The following PRKACB variants were observed in gnomAD, a reference collection of about 807,000 sequenced individuals.
PRKACB encodes the protein cAMP-dependent protein kinase catalytic subunit beta.
Under a neutral mutation model 51.4 loss-of-function variants are expected in PRKACB, and 16 were observed. That is an observed-to-expected ratio of 0.31 (90% CI 0.21 to 0.47). PRKACB has a LOEUF of 0.47. Ranked by LOEUF, PRKACB falls within the 20% of genes least tolerant of loss-of-function variation. The pLI is 1.00. For synonymous variants in PRKACB, 147 were observed against 154.4 expected, an observed-to-expected ratio of 0.95 and a Z score of 0.35; for missense variants, 309 against 464.5, an observed-to-expected ratio of 0.67 and a Z score of 3.08.
intron 9 of PRKACB, among the ~76,000 whole-genome samples, chr1:84,218,310 CCA>C (rs138028774): frequency 6.6e-6 from 1 of 151,942 alleles, no homozygotes. Context: ...ATCCCTTCCC[CCA>C]CACACACACA....
chr1:84,205,241 T>C, intron 8 of PRKACB: 1 of 984,818 alleles, frequency 1.0e-6, no homozygotes. Flanking sequence ...CTCTGTATTA[T>C]GTGAAGTTAG....
At chr1:84,085,101 T>C (rs1231834841) in intron 1 of PRKACB, among the ~76,000 whole-genome samples, 1 of 152,208 alleles carries the variant, frequency 6.6e-6, no homozygotes, top group African/African-American at 2.4e-5. Flanking sequence ...ATGAGAACAA[T>C]GTAACTTTTA....
intron 1 of PRKACB, among the ~76,000 whole-genome samples, chr1:84,103,605 C>T (rs369361275): frequency 9.8e-4 from 150 of 152,296 alleles, no homozygotes; most frequent in Non-Finnish European, 1.6e-3. Flanking sequence ...TCCAGCTTCT[C>T]GCAGCTGTTG....
intron 9 of PRKACB, among the ~76,000 whole-genome samples, chr1:84,221,806 G>A (rs1185579777): frequency 6.6e-6 from 1 of 152,030 alleles, no homozygotes; most frequent in Non-Finnish European, 1.5e-5. Flanking sequence ...ATGATTTCAA[G>A]TTTTTAAAAT....
At chr1:84,192,941 C>T (rs1403720391) in intron 5 of PRKACB, among the ~76,000 whole-genome samples, 1 of 152,100 alleles carries the variant, frequency 6.6e-6, no homozygotes, top group African/African-American at 2.4e-5. Flanking sequence ...GCTGAATACA[C>T]AAGGCCAAAT....
chr1:84,098,174 T>C (rs1649068217), intron 1 of PRKACB, among the ~76,000 whole-genome samples: 1 of 152,152 alleles, frequency 6.6e-6, no homozygotes, highest in African/African-American at 2.4e-5. Flanking sequence ...AAATTAAATC[T>C]TTTGCCTATT....
intron 9 of PRKACB, among the ~76,000 whole-genome samples, chr1:84,230,368 A>G (rs1398264980): frequency 6.6e-6 from 1 of 152,182 alleles, no homozygotes; most frequent in African/African-American, 2.4e-5. Context: ...AGGTAGTGAG[A>G]TGCCTCCAGC....
intron 1 of PRKACB, among the ~76,000 whole-genome samples, chr1:84,133,944 C>CA (rs1164990334): frequency 1.3e-5 from 2 of 152,082 alleles, no homozygotes; most frequent in African/African-American, 4.8e-5. Flanking sequence ...GTCCTGCGTA[C>CA]AGGAAAGATT....
chr1:84,219,017 C>T (rs928829426), intron 9 of PRKACB, among the ~76,000 whole-genome samples: 6 of 152,046 alleles, frequency 3.9e-5, no homozygotes, highest in Admixed American at 1.3e-4. Context: ...ATTGGAGTTC[C>T]TTGTATATTC....
At chr1:84,223,421 T>C (rs2101638870) in intron 9 of PRKACB, among the ~76,000 whole-genome samples, 1 of 148,348 alleles carries the variant, frequency 6.7e-6, no homozygotes, top group East Asian at 2.0e-4. Context: ...CAGGCAAGAG[T>C]GCAGTGGCGT....
At chr1:84,174,350 T>C (rs1660538032) in intron 1 of PRKACB, among the ~76,000 whole-genome samples, 1 of 151,878 alleles carries the variant, frequency 6.6e-6, no homozygotes, top group African/African-American at 2.4e-5. Flanking sequence ...TGCTGTATTC[T>C]CTATTATGCC....
At chr1:84,093,263 G>A (rs936087773) in intron 1 of PRKACB, among the ~76,000 whole-genome samples, 5 of 147,046 alleles carry the variant, frequency 3.4e-5, no homozygotes, top group Non-Finnish European at 7.7e-5. Flanking sequence ...GGAATCAAGT[G>A]TGTGCATCTC....
At chr1:84,185,738 T>C (rs554528437) in intron 5 of PRKACB, among the ~76,000 whole-genome samples, 1 of 152,200 alleles carries the variant, frequency 6.6e-6, no homozygotes, top group Admixed American at 6.5e-5. Context: ...TTAAAATAGG[T>C]TATAGAATCT....
intron 8 of PRKACB, among the ~76,000 whole-genome samples, chr1:84,213,566 A>G (rs1488664712): frequency 6.6e-6 from 1 of 152,184 alleles, no homozygotes; most frequent in Non-Finnish European, 1.5e-5. Flanking sequence ...AATGCTTTTA[A>G]ACCAATCTAA....
intron 1 of PRKACB, among the ~76,000 whole-genome samples, chr1:84,085,309 G>A (rs145251077): frequency 9.2e-5 from 14 of 152,222 alleles, no homozygotes; most frequent in Admixed American, 2.6e-4. Flanking sequence ...AAGTTCAGAT[G>A]TAATTTAGTA....
intron 8 of PRKACB, chr1:84,204,633 T>C (rs1288463661): frequency 8.4e-7 from 1 of 1,190,930 alleles, no homozygotes; most frequent in African/African-American, 1.6e-5. Flanking sequence ...AAATCACAAA[T>C]GGAAGAAGAA....
chr1:84,217,451 C>G (rs1291733682), intron 9 of PRKACB, among the ~76,000 whole-genome samples: 1 of 152,024 alleles, frequency 6.6e-6, no homozygotes, highest in Non-Finnish European at 1.5e-5. Context: ...CTCACAGTTG[C>G]TACATACTAC....
chr1:84,203,466 T>C lies in PRKACB; in HGVS notation c.906+661T>C, dbSNP rs181997798. ...CTAATTTGCTTTCAAGAGTGTTTTG[T>C]TTAGGGTCAGTCATTTGCTGTTGCC... On this transcript the variant is annotated intron_variant, in intron 8 of 9. Coordinates refer to ENST00000370685, the MANE Select transcript of PRKACB (RefSeq NM_182948.4). Among the ~76,000 whole-genome samples, 434 of 152,086 alleles carry C rather than the reference T, an allele frequency of 2.9e-3. 2 individuals are homozygous for C. The highest frequency in any genetic ancestry group is 2.5e-3 in the Non-Finnish European group (167 of 67,860).
chr1:84,133,717 T>G (rs563948268), intron 1 of PRKACB, among the ~76,000 whole-genome samples: 1 of 152,244 alleles, frequency 6.6e-6, no homozygotes, highest in South Asian at 2.1e-4. Flanking sequence ...CCAAGACGAG[T>G]GCTTCTGGGC....
Sources: allele counts gnomAD v4.1 joint callset (sites outside exome capture counted in the v4.1 genomes callset), GRCh38; gene constraint gnomAD v4.1.1; transcripts MANE v1.5; gene names NCBI Gene and HGNC (gene_info 2026-07-23, HGNC 2026-07-21).